ABR: variants seen among roughly 807,000 people sequenced by gnomAD.
ABR encodes active breakpoint cluster region-related protein.
A neutral mutation model predicts 107.2 loss-of-function variants in ABR; 35 were observed. The observed-to-expected ratio is 0.33, with a 90% CI of 0.25 to 0.43. ABR has a LOEUF of 0.43. ABR is among the 20% of genes least tolerant of loss of function. ABR has a pLI of 1.00. For synonymous variants in ABR, 498 were observed against 462.0 expected (o/e 1.08, Z -1.00); for missense variants, 815 against 1,115.2 (o/e 0.73, Z 3.83).
intron 16 of ABR, chr17:1,039,593 C>T: frequency 6.5e-6 from 1 of 152,686 alleles, no homozygotes; most frequent in East Asian, 1.9e-4. Context: ...GTGCCCGAAA[C>T]AGCTGGGGTG....
chr17:1,087,384 T>C (rs1368961197), intron 4 of ABR, among the ~76,000 whole-genome samples: 2 of 152,134 alleles, frequency 1.3e-5, no homozygotes, highest in East Asian at 3.9e-4. Context: ...GGCAGAGCCC[T>C]TTGAGGAAGC....
At chr17:1,229,054 G>A (rs906457094) in exon 1 of ABR, 7 of 151,410 alleles carry the variant, frequency 4.6e-5, no homozygotes, top group African/African-American at 9.7e-5. Flanking sequence ...ATCCAGCGGC[G>A]GGGGCTGCGC....
intron 1 of ABR, among the ~76,000 whole-genome samples, chr17:1,195,033 C>T (rs551858252): frequency 2.0e-5 from 3 of 147,646 alleles, no homozygotes; most frequent in South Asian, 2.3e-4. Flanking sequence ...TCAGGCCAGG[C>T]GCGGTGGCTC....
intron 10 of ABR, among the ~76,000 whole-genome samples, chr17:1,062,968 T>A (rs1328649780): frequency 4.2e-5 from 6 of 144,170 alleles, no homozygotes; most frequent in Admixed American, 1.4e-4. Flanking sequence ...TGCTGTTATG[T>A]GAACTGAGGG....
At chr17:1,012,461 T>C (rs539235297) in intron 18 of ABR, 13 of 696,040 alleles carry the variant, frequency 1.9e-5, no homozygotes, top group South Asian at 1.6e-4. Context: ...CGATCTGGGA[T>C]CTCACAAGAG....
intron 1 of ABR, among the ~76,000 whole-genome samples, chr17:1,192,594 T>G (rs1184921225): frequency 6.6e-6 from 1 of 151,624 alleles, no homozygotes; most frequent in Non-Finnish European, 1.5e-5. Flanking sequence ...CTGGCCAACA[T>G]GGTGAAATCC....
At position 1,005,779 on chromosome 17, in the gene ABR, G is replaced by A. The variant is rs1032178384; in HGVS notation, c.*301C>T. The A allele has an allele frequency of 4.6e-5, 20 of 439,182 alleles. No individual in the cohort carries two copies. Among genetic ancestry groups the A allele is most frequent in the African/African-American group, 2.2e-4 (11 of 49,920 alleles). 27.2% of individuals were successfully genotyped at this position (439,182 alleles called of 1,614,324 possible). A position where few individuals can be genotyped will look rare whatever the true frequency, so the allele number is the denominator to read the frequency against. On this transcript the variant is annotated 3_prime_UTR_variant, in exon 23 of 23. Coordinates refer to ENST00000302538, the MANE Select transcript of ABR (RefSeq NM_021962.5). Reference sequence around the variant, plus strand: ...GCTGTCTGTGTGCCCACGCCGGGCCGGTCACTACCTTTTCTGCCTGACAAG... The same window carrying A: ...GCTGTCTGTGTGCCCACGCCGGGCCAGTCACTACCTTTTCTGCCTGACAAG...
intron 2 of ABR, among the ~76,000 whole-genome samples, chr17:1,102,962 G>C (rs1310931215): frequency 3.3e-5 from 5 of 152,050 alleles, no homozygotes; most frequent in African/African-American, 1.2e-4. Flanking sequence ...CGCCCGCCTC[G>C]GCCTCCCAAA....
intron 1 of ABR, among the ~76,000 whole-genome samples, chr17:1,173,841 C>A (rs894871524): frequency 3.3e-5 from 5 of 152,250 alleles, no homozygotes; most frequent in African/African-American, 1.2e-4. Context: ...CTTCCTAAGT[C>A]CTGTGCCGGC....
intron 3 of ABR, among the ~76,000 whole-genome samples, chr17:1,095,787 G>A (rs955357115): frequency 1.3e-5 from 2 of 152,166 alleles, no homozygotes; most frequent in African/African-American, 2.4e-5. Flanking sequence ...CCGGCCTTTC[G>A]AAATAAGGGA....
At chr17:1,046,441 T>G (rs1328550611) in intron 16 of ABR, among the ~76,000 whole-genome samples, 1 of 152,156 alleles carries the variant, frequency 6.6e-6, no homozygotes, top group Non-Finnish European at 1.5e-5. Flanking sequence ...TGGCTAATTT[T>G]TGTATTTTTA....
intron 2 of ABR, among the ~76,000 whole-genome samples, chr17:1,111,592 C>G (rs1229726871): frequency 6.6e-6 from 1 of 152,248 alleles, no homozygotes; most frequent in African/African-American, 2.4e-5. Flanking sequence ...AGAGGCCTCC[C>G]TCTCCGACTC....
chr17:1,203,129 G>A (rs1219658086), intron 1 of ABR, among the ~76,000 whole-genome samples: 7 of 152,004 alleles, frequency 4.6e-5, no homozygotes, highest in Non-Finnish European at 7.4e-5. Context: ...CAGGTGATCC[G>A]CCCGCCTCGG....
At chr17:1,216,992 G>A (rs2043022413) in intron 1 of ABR, among the ~76,000 whole-genome samples, 1 of 152,192 alleles carries the variant, frequency 6.6e-6, no homozygotes, top group South Asian at 2.1e-4. Context: ...CAGAGAGCCA[G>A]CGGATGCCAG....
chr17:1,179,785 GGAGA>G lies in ABR; in HGVS notation c.-62_-59del. On this transcript the variant is annotated 5_prime_UTR_variant, in exon 1 of 23. Coordinates refer to ENST00000302538, the MANE Select transcript of ABR (RefSeq NM_021962.5). This position sits in a 1 kb window ranked among gnomAD's most constrained non-coding sequence, Gnocchi z 4.9. ...CGACCCTCATCGCGCAACAAAGGAG[GGAGA>G]GCGGGCGGGAGCCGGGGGAGGCCGA... The G allele has an allele frequency of 1.5e-6, 2 of 1,349,442 alleles. No individual in the cohort carries two copies. The highest frequency in any genetic ancestry group is 2.0e-6 in the Non-Finnish European group (2 of 1,022,930). 83.6% of individuals were successfully genotyped at this position (1,349,442 alleles called of 1,614,324 possible).
At chr17:1,181,554 T>C (rs555323562), upstream of ABR, among the ~76,000 whole-genome samples, 1 of 151,998 alleles carries the variant, frequency 6.6e-6, no homozygotes, top group Non-Finnish European at 1.5e-5. Context: ...GCACACAGGA[T>C]TGGGAGGGCC....
rs1368504208 is a variant in ABR at position 1,070,512 on chromosome 17, C to T, written c.895-422G>A. 6.6e-6 allele frequency among the ~76,000 whole-genome samples: 1 copy of T among 152,192 alleles called. No individual in the cohort carries two copies. The highest frequency in any genetic ancestry group is 2.4e-5 in the African/African-American group (1 of 41,440). Reference sequence around the variant, plus strand: ...TTCTCCACCCTGGGGCACGAACATCCCCGTTTGCAATCCCTCCCGACCGCG... The same window carrying T: ...TTCTCCACCCTGGGGCACGAACATCTCCGTTTGCAATCCCTCCCGACCGCG... On this transcript the variant is annotated intron_variant, in intron 8 of 22. Transcript: ENST00000302538. The surrounding 1 kb of genome is among the most constrained non-coding windows in gnomAD (Gnocchi z 4.2).
At chr17:1,013,351 CGCCGTGGGGG>C (rs1567570453) in intron 16 of ABR, among the ~76,000 whole-genome samples, 187 bp from the exon 17 acceptor site, 3 of 149,590 alleles carry the variant, frequency 2.0e-5, no homozygotes, top group Admixed American at 6.6e-5. Context: ...CCCCTGTGGC[CGCCGTGGGGG>C]AGGCAGGGCA....
intron 14 of ABR, among the ~76,000 whole-genome samples, chr17:1,053,797 C>T (rs1055436917): frequency 6.6e-5 from 10 of 152,032 alleles, no homozygotes; most frequent in Non-Finnish European, 7.4e-5. Context: ...TCCCGGCCAA[C>T]GGGAAGCAGG....
Sources: gnomAD v4.1 joint callset for allele counts (sites outside exome capture counted in the v4.1 genomes callset) on GRCh38, gnomAD v4.1.1 for gene constraint, Gnocchi (gnomAD v3.1) non-coding constraint, MANE v1.5 for transcripts, NCBI Gene and HGNC (gene_info 2026-07-23, HGNC 2026-07-21) for gene names.